The following TNFSF4 variants were observed in gnomAD, a reference collection of about 807,000 sequenced individuals.
TNFSF4 encodes the protein TNF superfamily member 4.
Under a neutral mutation model 7.3 loss-of-function variants are expected in TNFSF4, and 4 were observed. The observed-to-expected ratio is 0.55, with a 90% CI of 0.27 to 1.25. The LOEUF is 1.25. Ranked by LOEUF, TNFSF4 falls within the 50% of genes most tolerant of loss-of-function variation. TNFSF4 has a pLI of 0.12. For synonymous variants in TNFSF4, 76 were observed against 83.7 expected (o/e 0.91, Z 0.50); for missense variants, 181 against 208.8 (o/e 0.87, Z 0.82).
the TNFSF4 span, among the ~76,000 whole-genome samples, chr1:173,411,886 G>A: frequency 1.6e-4 from 24 of 152,172 alleles, no homozygotes; most frequent in South Asian, 6.2e-4. Flanking sequence ...TTGGGAGGAC[G>A]AGGCGGGCAG....
At chr1:173,202,189 G>T (rs927459152) in intron 1 of TNFSF4, among the ~76,000 whole-genome samples, 3 of 152,052 alleles carry the variant, frequency 2.0e-5, no homozygotes, top group African/African-American at 7.2e-5. Flanking sequence ...GGTCAGAGAA[G>T]AGGAACAGAG....
the TNFSF4 span, among the ~76,000 whole-genome samples, chr1:173,419,281 G>A: frequency 2.0e-5 from 3 of 151,634 alleles, no homozygotes; most frequent in African/African-American, 7.3e-5. Context: ...GGCGGAGCTT[G>A]CAGGGAGCTG....
At chr1:173,369,450 G>T in the TNFSF4 span, among the ~76,000 whole-genome samples, 1 of 152,302 alleles carries the variant, frequency 6.6e-6, no homozygotes, top group South Asian at 2.1e-4. Context: ...CCTCTTTGTG[G>T]TCTAGGAGGA....
chr1:173,413,260 C>T, the TNFSF4 span, among the ~76,000 whole-genome samples: 1 of 152,142 alleles, frequency 6.6e-6, no homozygotes, highest in Non-Finnish European at 1.5e-5. Flanking sequence ...TGCAGAGTAA[C>T]CAGCCGTCGG....
chr1:173,181,101 A>T (rs1410610172), downstream of TNFSF4, among the ~76,000 whole-genome samples: 1 of 152,220 alleles, frequency 6.6e-6, no homozygotes, highest in East Asian at 1.9e-4. Flanking sequence ...GAAACTGATT[A>T]TAAGGGGAGA....
chr1:173,190,417 T>G (rs953625910), intron 1 of TNFSF4, among the ~76,000 whole-genome samples: 1 of 152,186 alleles, frequency 6.6e-6, no homozygotes, highest in African/African-American at 2.4e-5. Flanking sequence ...CCTACTTCTA[T>G]TACAAGTATA....
At chr1:173,251,407 A>G in the TNFSF4 span, among the ~76,000 whole-genome samples, 1 of 152,212 alleles carries the variant, frequency 6.6e-6, no homozygotes, top group African/African-American at 2.4e-5. Context: ...GATAGCAGAG[A>G]CTGATCTTGT....
chr1:173,427,813 C>T, the TNFSF4 span, among the ~76,000 whole-genome samples: 5 of 152,222 alleles, frequency 3.3e-5, no homozygotes, highest in Middle Eastern at 3.4e-3. Context: ...CAGCATGTTA[C>T]TGTACTGAAA....
the TNFSF4 span, among the ~76,000 whole-genome samples, chr1:173,290,823 T>C: frequency 6.6e-6 from 1 of 152,108 alleles, no homozygotes; most frequent in Non-Finnish European, 1.5e-5. Context: ...ACCAACCACA[T>C]GCCTGGCCAC....
chr1:173,381,238 G>C, the TNFSF4 span, among the ~76,000 whole-genome samples: 1 of 152,058 alleles, frequency 6.6e-6, no homozygotes, highest in Non-Finnish European at 1.5e-5. Context: ...AACCGCCGAG[G>C]CCTAGACCTC....
At chr1:173,228,825 G>C in the TNFSF4 span, among the ~76,000 whole-genome samples, 21 of 152,138 alleles carry the variant, frequency 1.4e-4, no homozygotes, top group Admixed American at 1.4e-3. Flanking sequence ...GAAGAAAGGG[G>C]ATCAGTGATT....
the TNFSF4 span, among the ~76,000 whole-genome samples, chr1:173,324,752 C>G: frequency 6.6e-6 from 1 of 152,038 alleles, no homozygotes; most frequent in Admixed American, 6.6e-5. Context: ...CAACAAAGAT[C>G]AAAAGAGACA....
At chr1:173,431,405 T>C in the TNFSF4 span, among the ~76,000 whole-genome samples, 11 of 152,334 alleles carry the variant, frequency 7.2e-5, no homozygotes, top group African/African-American at 2.2e-4. Flanking sequence ...CGGGATTTGT[T>C]AGTTGCACAG....
chr1:173,342,040 G>A, the TNFSF4 span, among the ~76,000 whole-genome samples: 2 of 152,086 alleles, frequency 1.3e-5, no homozygotes, highest in African/African-American at 2.4e-5. Context: ...TAACTTTAGG[G>A]TGATCTGATA....
At chr1:173,321,226 G>A in the TNFSF4 span, among the ~76,000 whole-genome samples, 1 of 150,812 alleles carries the variant, frequency 6.6e-6, no homozygotes, top group Non-Finnish European at 1.5e-5. Flanking sequence ...CAAGCAATGG[G>A]AAAGGATTCC....
the TNFSF4 span, among the ~76,000 whole-genome samples, chr1:173,304,111 A>G: frequency 6.6e-6 from 1 of 151,978 alleles, no homozygotes; most frequent in Non-Finnish European, 1.5e-5. Context: ...CACTTGGTCC[A>G]GTAATTCTGT....
At chr1:173,332,809 G>A in the TNFSF4 span, among the ~76,000 whole-genome samples, 1 of 152,150 alleles carries the variant, frequency 6.6e-6, no homozygotes, top group Admixed American at 6.5e-5. Flanking sequence ...TCAGGCCACT[G>A]CACTCCAGCC....
chr1:173,188,714 G>A, intron 1 of TNFSF4, 145 bp from the exon 2 acceptor site: 1 of 681,088 alleles, frequency 1.5e-6, no homozygotes, highest in Non-Finnish European at 2.5e-6. Flanking sequence ...TTTTGTTGTT[G>A]TTGTTGTTGT....
chr1:173,262,808 G>C, the TNFSF4 span, among the ~76,000 whole-genome samples: 1 of 152,024 alleles, frequency 6.6e-6, no homozygotes, highest in South Asian at 2.1e-4. Context: ...CACCGTGTTA[G>C]CCAGGATAGT....
Sources: gnomAD v4.1 joint callset for allele counts (sites outside exome capture counted in the v4.1 genomes callset) on GRCh38, gnomAD v4.1.1 for gene constraint, MANE v1.5 for transcripts, NCBI Gene and HGNC (gene_info 2026-07-23, HGNC 2026-07-21) for gene names.